ASIC2: variants seen among roughly 807,000 people sequenced by gnomAD.
The protein encoded by ASIC2 is acid-sensing ion channel 2.
A neutral mutation model predicts 57.3 loss-of-function variants in ASIC2; 25 were observed. That is an observed-to-expected ratio of 0.44 (90% CI 0.32 to 0.61). The LOEUF (loss-of-function observed/expected upper bound fraction) is 0.61, where lower values mean the gene tolerates loss of function less well. Among genes scored for constraint, ASIC2 ranks in the 20% least tolerant of loss-of-function variants. The pLI is 0.06. For missense variants in ASIC2, 641 were observed against 738.1 expected (o/e 0.87, Z 1.52); for synonymous variants, 319 against 307.5 (o/e 1.04, Z -0.39).
intron 1 of ASIC2, among the ~76,000 whole-genome samples, chr17:33,952,206 T>A (rs2637344): frequency 0.99 from 150,872 of 152,288 alleles, 74,806 homozygotes; most frequent in Middle Eastern, 1. Context: ...AAGTGAATAC[T>A]GGTGCTCATT....
intron 1 of ASIC2, among the ~76,000 whole-genome samples, chr17:33,952,175 T>A (rs913090691): frequency 6.6e-6 from 1 of 152,132 alleles, no homozygotes; most frequent in Non-Finnish European, 1.5e-5. Context: ...ACATGGCAAA[T>A]GTTGAACAAT....
chr17:33,478,114 GA>G (rs1423400459), intron 1 of ASIC2, among the ~76,000 whole-genome samples: 2 of 152,194 alleles, frequency 1.3e-5, no homozygotes, highest in Non-Finnish European at 2.9e-5. Flanking sequence ...TGAGGGCTCA[GA>G]GTCAGGCATG....
intron 1 of ASIC2, among the ~76,000 whole-genome samples, chr17:33,461,566 T>C (rs1237919175): frequency 6.6e-6 from 1 of 152,098 alleles, no homozygotes; most frequent in African/African-American, 2.4e-5. Context: ...TAGAGAGCAA[T>C]GAAAAAGGGC....
chr17:33,016,639 A>C (rs1478254116), intron 8 of ASIC2, among the ~76,000 whole-genome samples: 1 of 152,022 alleles, frequency 6.6e-6, no homozygotes, highest in Non-Finnish European at 1.5e-5. Context: ...GCTGAGACGC[A>C]TGAGATTCTC....
At chr17:34,059,702 G>A (rs1908899403) in intron 1 of ASIC2, among the ~76,000 whole-genome samples, 1 of 152,120 alleles carries the variant, frequency 6.6e-6, no homozygotes, top group Non-Finnish European at 1.5e-5. Flanking sequence ...GGAGCTGGGT[G>A]AGGCCTGTGA....
chr17:33,806,572 C>A lies in ASIC2; in HGVS notation c.555+349406G>T, dbSNP rs150383870. ...GAGCCTGCTTCTTTAAAGGATATTG[C>A]AACGAATTATTTAGCAATGCAAATC... On this transcript the variant is annotated intron_variant, in intron 1 of 9. Transcript: ENST00000359872. 2.8e-3 allele frequency among the ~76,000 whole-genome samples: 429 copies of A among 152,336 alleles called. 3 individuals are homozygous for A. The highest frequency in any genetic ancestry group is 4.8e-3 in the Non-Finnish European group (326 of 68,040).
chr17:34,073,142 A>G (rs763961146), intron 1 of ASIC2, among the ~76,000 whole-genome samples: 11 of 152,158 alleles, frequency 7.2e-5, no homozygotes, highest in Non-Finnish European at 1.5e-4. Flanking sequence ...CTTTTTCTAT[A>G]AAGAGTCATA....
intron 3 of ASIC2, among the ~76,000 whole-genome samples, chr17:33,041,857 C>A (rs1350675029): frequency 6.6e-6 from 1 of 152,200 alleles, no homozygotes; most frequent in Non-Finnish European, 1.5e-5. Context: ...GGCCTTTGTG[C>A]CCCATCTGTA....
chr17:33,561,012 G>T (rs185968691), intron 1 of ASIC2, among the ~76,000 whole-genome samples: 350 of 152,140 alleles, frequency 2.3e-3, no homozygotes, highest in African/African-American at 7.8e-3. Context: ...GCATACTTCT[G>T]GGCAGTCTAA....
At chr17:34,036,333 G>A (rs1264126359) in intron 1 of ASIC2, among the ~76,000 whole-genome samples, 3 of 140,410 alleles carry the variant, frequency 2.1e-5, no homozygotes, top group African/African-American at 5.3e-5. Flanking sequence ...GAGAACACAT[G>A]GACACAGGAA....
chr17:33,145,356 A>G (rs1904518011), intron 1 of ASIC2, among the ~76,000 whole-genome samples: 1 of 152,202 alleles, frequency 6.6e-6, no homozygotes, highest in African/African-American at 2.4e-5. Context: ...CTGGGCTGCC[A>G]TCCCTGCCTG....
chr17:34,142,957 G>C (rs1598045898), intron 1 of ASIC2: 2 of 152,322 alleles, frequency 1.3e-5, no homozygotes, highest in South Asian at 2.1e-4. Context: ...GACTTCTCCA[G>C]GTTCTCTACA....
intron 1 of ASIC2, among the ~76,000 whole-genome samples, chr17:33,787,691 T>A (rs1313089329): frequency 1.3e-5 from 2 of 152,204 alleles, no homozygotes; most frequent in Non-Finnish European, 2.9e-5. Context: ...CAGTAGTTTC[T>A]GCACAGTGTT....
At chr17:34,070,087 G>A (rs1909341568) in intron 1 of ASIC2, 1 of 152,060 alleles carries the variant, frequency 6.6e-6, no homozygotes, top group Non-Finnish European at 1.5e-5. Context: ...GTATACTTTA[G>A]AGACAGTTTT....
intron 1 of ASIC2, among the ~76,000 whole-genome samples, chr17:34,025,714 T>C (rs1452082725): frequency 6.6e-6 from 1 of 152,238 alleles, no homozygotes; most frequent in East Asian, 1.9e-4. Flanking sequence ...ACTAATCCTT[T>C]AGCCATGGGG....
intron 1 of ASIC2, among the ~76,000 whole-genome samples, chr17:33,795,668 T>A (rs1258618363): frequency 2.6e-5 from 4 of 152,230 alleles, no homozygotes; most frequent in African/African-American, 9.6e-5. Context: ...AGAAATACCT[T>A]CTGTGGTTTC....
At chr17:33,139,905 A>T (rs1384065077) in intron 1 of ASIC2, among the ~76,000 whole-genome samples, 1 of 152,196 alleles carries the variant, frequency 6.6e-6, no homozygotes, top group African/African-American at 2.4e-5. Flanking sequence ...CGGTACAGAA[A>T]CTCAGTCTTC....
intron 3 of ASIC2, among the ~76,000 whole-genome samples, chr17:33,078,130 A>C (rs73275866): frequency 0.025 from 3,727 of 152,112 alleles, 165 homozygotes; most frequent in African/African-American, 0.086. Flanking sequence ...GAGTAAGATA[A>C]AGTAGGTGAG....
At chr17:33,921,560 G>A (rs1050559845) in intron 1 of ASIC2, among the ~76,000 whole-genome samples, 2 of 152,124 alleles carry the variant, frequency 1.3e-5, no homozygotes, top group Non-Finnish European at 2.9e-5. Context: ...TGGAGGGATG[G>A]TGGGGCAGGA....
Sources: allele counts gnomAD v4.1 joint callset (sites outside exome capture counted in the v4.1 genomes callset), GRCh38; gene constraint gnomAD v4.1.1; transcripts MANE v1.5; gene names NCBI Gene and HGNC (gene_info 2026-07-23, HGNC 2026-07-21).